THSD4: variants seen among roughly 807,000 people sequenced by gnomAD.
The protein encoded by THSD4 is thrombospondin type 1 domain containing 4, also known as thrombospondin type-1 domain-containing protein 4.
A neutral mutation model predicts 119.0 loss-of-function variants in THSD4; 69 were observed. That is an observed-to-expected ratio of 0.58 (90% CI 0.48 to 0.71). The LOEUF (loss-of-function observed/expected upper bound fraction) is 0.71. Ranked by LOEUF, THSD4 falls within the 30% of genes least tolerant of loss-of-function variation. The probability of loss-of-function intolerance (pLI) is 0.00; values close to 1 mark genes in which losing one functional copy is unlikely to be tolerated. For missense variants in THSD4, 1,393 were observed against 1,391.1 expected (o/e 1.00, Z -0.02); for synonymous variants, 524 against 540.4 (o/e 0.97, Z 0.42).
intron 7 of THSD4, among the ~76,000 whole-genome samples, chr15:71,624,928 G>A (rs987694899): frequency 2.6e-5 from 4 of 152,194 alleles, no homozygotes; most frequent in African/African-American, 9.7e-5. Flanking sequence ...CTGATTCCTG[G>A]TGGCTGGGAT....
chr15:71,146,443 GTTTT>G (rs569407021), intron 2 of THSD4, among the ~76,000 whole-genome samples: 1 of 134,560 alleles, frequency 7.4e-6, no homozygotes, highest in Non-Finnish European at 1.6e-5. Flanking sequence ...TTTGCCAGTA[GTTTT>G]TTTTTTTTTT....
chr15:71,230,984 A>G (rs1415047682), intron 4 of THSD4, among the ~76,000 whole-genome samples: 1 of 152,102 alleles, frequency 6.6e-6, no homozygotes, highest in Non-Finnish European at 1.5e-5. Context: ...GCATCCTTGC[A>G]GCCTCTCCAC....
intron 4 of THSD4, among the ~76,000 whole-genome samples, chr15:71,230,237 AG>A (rs1182608365): frequency 6.6e-6 from 1 of 152,140 alleles, no homozygotes; most frequent in Non-Finnish European, 1.5e-5. Context: ...GTAGTCCTGG[AG>A]GGCCACACAG....
chr15:71,432,710 C>T (rs1481716251), intron 7 of THSD4, among the ~76,000 whole-genome samples: 2 of 151,972 alleles, frequency 1.3e-5, no homozygotes, highest in African/African-American at 2.4e-5. Context: ...ACATATGATA[C>T]AATTTTTATA....
intron 14 of THSD4, among the ~76,000 whole-genome samples, chr15:71,752,995 C>G (rs540110391): frequency 1.3e-5 from 2 of 152,260 alleles, no homozygotes; most frequent in African/African-American, 4.8e-5. Context: ...CAGTCATGAA[C>G]GAGACACAGC....
intron 2 of THSD4, among the ~76,000 whole-genome samples, chr15:71,147,968 CAAAAAAAAAAA>C (rs57726176): frequency 1.0e-3 from 32 of 32,142 alleles, no homozygotes; most frequent in African/African-American, 2.4e-3. Context: ...GACTCTGTCT[CAAAAAAAAAAA>C]AAAAAAAAAA....
chr15:71,745,730 C>T (rs2053323931), intron 12 of THSD4, among the ~76,000 whole-genome samples: 2 of 152,186 alleles, frequency 1.3e-5, no homozygotes. Flanking sequence ...CAGCAAACTC[C>T]GCCTCCTGGA....
intron 6 of THSD4, among the ~76,000 whole-genome samples, chr15:71,385,322 G>C (rs1033496904): frequency 3.9e-5 from 6 of 152,200 alleles, no homozygotes; most frequent in African/African-American, 1.4e-4. Flanking sequence ...CTGGTTGCCT[G>C]GTGTTCCTGG....
intron 6 of THSD4, among the ~76,000 whole-genome samples, chr15:71,408,421 C>T (rs1447673433): frequency 6.6e-6 from 1 of 151,958 alleles, no homozygotes; most frequent in Admixed American, 6.6e-5. Flanking sequence ...TTTGTAGAGA[C>T]AGGGTCTCAT....
At chr15:71,209,736 T>A (rs1477045277) in intron 3 of THSD4, among the ~76,000 whole-genome samples, 3 of 152,178 alleles carry the variant, frequency 2.0e-5, no homozygotes, top group Non-Finnish European at 4.4e-5. Flanking sequence ...CCAAACCTCA[T>A]CTTGAACTGT....
intron 11 of THSD4, among the ~76,000 whole-genome samples, chr15:71,743,905 A>G (rs1270174907): frequency 6.6e-6 from 1 of 152,264 alleles, no homozygotes; most frequent in Non-Finnish European, 1.5e-5. Context: ...TTCAGAAAAT[A>G]TGAATGCCTG....
At chr15:71,726,907 G>A (rs554697743) in intron 8 of THSD4, among the ~76,000 whole-genome samples, 15 of 151,492 alleles carry the variant, frequency 9.9e-5, no homozygotes, top group African/African-American at 3.1e-4. Flanking sequence ...ATTGCACTCC[G>A]GCCTGGGCAA....
chr15:71,653,364 T>C (rs1567083318), intron 7 of THSD4, among the ~76,000 whole-genome samples: 1 of 152,230 alleles, frequency 6.6e-6, no homozygotes, highest in African/African-American at 2.4e-5. Flanking sequence ...GAATCTGTCA[T>C]GTGCTCCTCG....
chr15:71,107,734 A>G (rs550824081), intron 1 of THSD4, among the ~76,000 whole-genome samples: 1 of 152,346 alleles, frequency 6.6e-6, no homozygotes, highest in African/African-American at 2.4e-5. Context: ...AAAGGGACGG[A>G]CCAAGAACAG....
intron 7 of THSD4, among the ~76,000 whole-genome samples, chr15:71,655,270 G>T (rs568149738): frequency 6.6e-6 from 1 of 152,178 alleles, no homozygotes; most frequent in Admixed American, 6.5e-5. Context: ...GACAGGTACC[G>T]TTTGAGCAGT....
intron 4 of THSD4, among the ~76,000 whole-genome samples, chr15:71,218,222 A>T (rs1596274991): frequency 6.6e-6 from 1 of 152,186 alleles, no homozygotes; most frequent in Non-Finnish European, 1.5e-5. Context: ...TAGATGTTAC[A>T]CCTGAGGAAT....
chr15:71,634,675 C>T (rs779364363), intron 7 of THSD4, among the ~76,000 whole-genome samples: 1 of 152,088 alleles, frequency 6.6e-6, no homozygotes, highest in Non-Finnish European at 1.5e-5. Context: ...AAAGAAAGGT[C>T]GGTCAGAAAT....
chr15:71,309,782 A>G (rs2045085748), intron 6 of THSD4, among the ~76,000 whole-genome samples: 1 of 152,198 alleles, frequency 6.6e-6, no homozygotes, highest in Non-Finnish European at 1.5e-5. Flanking sequence ...TGTTGACCGT[A>G]TATGTATGGG....
At chr15:71,127,897 C>T (rs1012597459) in intron 1 of THSD4, among the ~76,000 whole-genome samples, 2 of 152,066 alleles carry the variant, frequency 1.3e-5, no homozygotes, top group African/African-American at 4.8e-5. Flanking sequence ...CTTTGCTGTG[C>T]AGAAGCTTTT....
Sources: gnomAD v4.1 joint callset for allele counts (sites outside exome capture counted in the v4.1 genomes callset) on GRCh38, gnomAD v4.1.1 for gene constraint, MANE v1.5 for transcripts, NCBI Gene and HGNC (gene_info 2026-07-23, HGNC 2026-07-21) for gene names.